Variants in WWOX observed in about 807,000 individuals in gnomAD.
The protein encoded by WWOX is WW domain-containing oxidoreductase.
Under a neutral mutation model 46.2 loss-of-function variants are expected in WWOX, and 69 were observed. The ratio of observed to expected loss-of-function variants is 1.49; its 90% CI spans 1.23 to 1.82. The LOEUF (loss-of-function observed/expected upper bound fraction) is 1.82, where lower values mean the gene tolerates loss of function less well. WWOX is among the 40% of genes most tolerant of loss of function. The pLI, the probability that WWOX is intolerant of heterozygous loss-of-function variation, is 0.00. For synonymous variants in WWOX, 359 were observed against 202.6 expected (o/e 1.77, Z -6.56); for missense variants, 919 against 542.6 (o/e 1.69, Z -6.89).
intron 8 of WWOX, among the ~76,000 whole-genome samples, chr16:78,784,685 A>G (rs367652652): frequency 3.0e-4 from 46 of 152,312 alleles, no homozygotes; most frequent in Middle Eastern, 3.4e-3. Context: ...GTGGTTCCCA[A>G]TGTTACTGTT....
intron 8 of WWOX, among the ~76,000 whole-genome samples, chr16:78,487,813 A>G (rs1187859781): frequency 1.3e-5 from 2 of 152,148 alleles, no homozygotes; most frequent in African/African-American, 2.4e-5. Context: ...CATTGTTTTT[A>G]GCCCTCCTTT....
At chr16:78,670,994 A>C (rs919416066) in intron 8 of WWOX, among the ~76,000 whole-genome samples, 3 of 152,032 alleles carry the variant, frequency 2.0e-5, no homozygotes, top group Non-Finnish European at 4.4e-5. Flanking sequence ...CTACCAGCCA[A>C]GGAATGCCAA....
At chr16:79,177,947 G>C (rs187271581) in intron 8 of WWOX, among the ~76,000 whole-genome samples, 99 of 152,276 alleles carry the variant, frequency 6.5e-4, no homozygotes, top group Admixed American at 1.3e-3. Flanking sequence ...AGCAACGGCA[G>C]ATTCAGCTTC....
intron 8 of WWOX, among the ~76,000 whole-genome samples, chr16:78,728,676 T>A (rs565763625): frequency 6.6e-6 from 1 of 152,324 alleles, no homozygotes; most frequent in Non-Finnish European, 1.5e-5. Flanking sequence ...GACTGCACTT[T>A]GACAACCACA....
intron 8 of WWOX, among the ~76,000 whole-genome samples, chr16:78,628,807 C>T (rs993361316): frequency 5.3e-5 from 8 of 152,104 alleles, no homozygotes; most frequent in Non-Finnish European, 8.8e-5. Context: ...TTGATGCCGA[C>T]GACTAGCCAG....
At chr16:78,793,434 C>G (rs947508217) in intron 8 of WWOX, among the ~76,000 whole-genome samples, 8 of 152,130 alleles carry the variant, frequency 5.3e-5, no homozygotes, top group Non-Finnish European at 1.2e-4. Flanking sequence ...CTCAAGAATA[C>G]AAATTGAACA....
chr16:78,112,569 TG>T lies in WWOX; in HGVS notation c.231-2406del, dbSNP rs201842002. ...TGTCTAGCAGTTGGATAGGTGGGAG[TG>T]CCTATTATTTGTTAAAAGGCTTTTT... On this transcript the variant is annotated intron_variant, in intron 3 of 8. Coordinates refer to ENST00000566780, the MANE Select transcript of WWOX (RefSeq NM_016373.4). Among the ~76,000 whole-genome samples, 490 of 152,060 alleles carry T rather than the reference TG, an allele frequency of 3.2e-3. 5 individuals carry two copies. Among genetic ancestry groups the T allele is most frequent in the African/African-American group, 0.011 (456 of 41,482 alleles).
chr16:79,158,176 T>C (rs969221135), intron 8 of WWOX, among the ~76,000 whole-genome samples: 29 of 152,156 alleles, frequency 1.9e-4, no homozygotes, highest in African/African-American at 6.7e-4. Context: ...AATATATATG[T>C]TGGGATTTCA....
At chr16:78,411,873 G>A (rs1205929801) in intron 6 of WWOX, among the ~76,000 whole-genome samples, 1 of 152,186 alleles carries the variant, frequency 6.6e-6, no homozygotes, top group Non-Finnish European at 1.5e-5. Flanking sequence ...ATCGATTAGG[G>A]GACTGTTCCC....
chr16:78,186,981 C>T (rs142685534), intron 5 of WWOX, among the ~76,000 whole-genome samples: 1 of 152,172 alleles, frequency 6.6e-6, no homozygotes, highest in Admixed American at 6.5e-5. Flanking sequence ...CTAGTGTTTG[C>T]ATGTACTCAT....
intron 8 of WWOX, among the ~76,000 whole-genome samples, chr16:78,491,739 G>A (rs1366866366): frequency 6.6e-6 from 1 of 152,162 alleles, no homozygotes; most frequent in Admixed American, 6.5e-5. Flanking sequence ...GAGTTTATTT[G>A]TAAGCTGGGA....
In WWOX at chr16:78,971,448, CAAAAAAAAA is replaced by C. The variant is rs71140852; in HGVS notation, c.1057-240142_1057-240134del. Reference sequence around the variant, plus strand: ...CCAGTCTGGGTGACAGACTCTGTGTCAAAAAAAAAAAAAAAAAAAAAAAAAAGAGAGAGA... The same window carrying C: ...CCAGTCTGGGTGACAGACTCTGTGTCAAAAAAAAAAAAAAAAAGAGAGAGA... On this transcript the variant is annotated intron_variant, in intron 8 of 8. Coordinates refer to ENST00000566780, the MANE Select transcript of WWOX (RefSeq NM_016373.4). Among the ~76,000 whole-genome samples the C allele has an allele frequency of 2.2e-3, 250 of 111,872 alleles. 3 individuals are homozygous for C. Among genetic ancestry groups the C allele is most frequent in the South Asian group, 0.015 (50 of 3,332 alleles). The allele number at this position is 111,872 out of a possible 152,430, so 73.4% of individuals were successfully genotyped here.
At position 79,037,823 on chromosome 16, in the gene WWOX, C is replaced by G. The variant is rs576168615; in HGVS notation, c.1057-173785C>G. On this transcript the variant is annotated intron_variant, in intron 8 of 8. Coordinates refer to ENST00000566780, the MANE Select transcript of WWOX (RefSeq NM_016373.4). ...TCCCCAAGGTCAGGAGATCTTTCTG[C>G]CAGAGGTCAGCATTCCATCCAGCTC... 1.4e-4 allele frequency among the ~76,000 whole-genome samples: 21 copies of G among 152,140 alleles called. No individual in the cohort carries two copies. The South Asian group carries it at 4.4e-3, about 32-fold the overall frequency.
At chr16:78,721,621 G>C (rs1465325682) in intron 8 of WWOX, among the ~76,000 whole-genome samples, 1 of 152,156 alleles carries the variant, frequency 6.6e-6, no homozygotes, top group Non-Finnish European at 1.5e-5. Flanking sequence ...CAGGACATGT[G>C]CTTTGAAATT....
chr16:79,129,935 C>G (rs2049841932), intron 8 of WWOX, among the ~76,000 whole-genome samples: 1 of 152,104 alleles, frequency 6.6e-6, no homozygotes, highest in Non-Finnish European at 1.5e-5. Context: ...TTGGTAGGTC[C>G]CTTTACCACT....
intron 5 of WWOX, among the ~76,000 whole-genome samples, chr16:78,257,858 C>T (rs1479133380): frequency 6.6e-6 from 1 of 152,102 alleles, no homozygotes; most frequent in Non-Finnish European, 1.5e-5. Context: ...GGACAAATAG[C>T]CACTCTCTTG....
intron 4 of WWOX, among the ~76,000 whole-genome samples, chr16:78,119,943 G>C (rs2033004293): frequency 6.6e-6 from 1 of 152,066 alleles, no homozygotes; most frequent in Non-Finnish European, 1.5e-5. Context: ...TAGAACGCTG[G>C]GCTGCATCAT....
intron 8 of WWOX, among the ~76,000 whole-genome samples, chr16:78,835,233 G>T (rs1049490980): frequency 6.6e-6 from 1 of 152,072 alleles, no homozygotes; most frequent in Non-Finnish European, 1.5e-5. Flanking sequence ...ACAAGTGCCA[G>T]CATTCTAGTA....
intron 8 of WWOX, among the ~76,000 whole-genome samples, chr16:79,006,282 A>T (rs982290161): frequency 1.3e-5 from 2 of 152,042 alleles, no homozygotes. Flanking sequence ...AATGGAGGAG[A>T]AGATGTGAAG....
Sources: allele counts gnomAD v4.1 joint callset (sites outside exome capture counted in the v4.1 genomes callset), GRCh38; gene constraint gnomAD v4.1.1; transcripts MANE v1.5; gene names NCBI Gene and HGNC (gene_info 2026-07-23, HGNC 2026-07-21).